Variants in SLCO1A2 observed in about 807,000 individuals in gnomAD.
The protein encoded by SLCO1A2 is OATP-1.
SLCO1A2 carries 67 observed loss-of-function variants against 69.0 expected under a neutral mutation model. The ratio of observed to expected loss-of-function variants is 0.97; its 90% CI spans 0.80 to 1.19. SLCO1A2 has a LOEUF of 1.19. SLCO1A2 is among the 50% of genes most tolerant of loss of function. The pLI is 0.00. For synonymous variants in SLCO1A2, 260 were observed against 265.9 expected (o/e 0.98, Z 0.22); for missense variants, 787 against 793.7 (o/e 0.99, Z 0.10).
intron 1 of SLCO1A2, among the ~76,000 whole-genome samples, chr12:21,388,686 T>A (rs1565527463): frequency 1.3e-5 from 2 of 152,120 alleles, no homozygotes; most frequent in East Asian, 3.9e-4. Context: ...TTAACTGTAA[T>A]CATTACTAAA....
chr12:21,381,548 G>A (rs1049485155), intron 1 of SLCO1A2, among the ~76,000 whole-genome samples: 9 of 152,046 alleles, frequency 5.9e-5, no homozygotes, highest in East Asian at 3.9e-4. Context: ...CTGTAATCCC[G>A]GCACTTTGGG....
At chr12:21,364,158 G>A (rs1939176749) in intron 2 of SLCO1A2, among the ~76,000 whole-genome samples, 1 of 152,136 alleles carries the variant, frequency 6.6e-6, no homozygotes, top group African/African-American at 2.4e-5. Flanking sequence ...ATAAAATACT[G>A]GCAAACCGAA....
At chr12:21,271,932 G>T (rs1942950983) in intron 14 of SLCO1A2, among the ~76,000 whole-genome samples, 1 of 150,338 alleles carries the variant, frequency 6.7e-6, no homozygotes, top group South Asian at 2.1e-4. Context: ...TTGATTACTG[G>T]TTGGCTTAGC....
chr12:21,381,524 G>A (rs778859913), intron 1 of SLCO1A2, among the ~76,000 whole-genome samples: 9 of 152,154 alleles, frequency 5.9e-5, no homozygotes, highest in East Asian at 1.9e-4. Flanking sequence ...CAGGCTGGGC[G>A]TGGTGGCTCA....
chr12:21,338,805 C>T (rs1001933477), upstream of SLCO1A2, among the ~76,000 whole-genome samples: 2 of 151,428 alleles, frequency 1.3e-5, no homozygotes, highest in Admixed American at 1.3e-4. Flanking sequence ...AGAGACAAGA[C>T]TTTATCTGTT....
At chr12:21,338,531 C>T (rs1190194772), upstream of SLCO1A2, among the ~76,000 whole-genome samples, 1 of 151,818 alleles carries the variant, frequency 6.6e-6, no homozygotes, top group Non-Finnish European at 1.5e-5. Context: ...CTCCATCTGT[C>T]CAAGCTATAT....
At chr12:21,409,051 A>G (rs1269095078) in intron 1 of SLCO1A2, among the ~76,000 whole-genome samples, 1 of 152,224 alleles carries the variant, frequency 6.6e-6, no homozygotes, top group Non-Finnish European at 1.5e-5. Context: ...TTAGTTCCCA[A>G]AGAAAACTGA....
At chr12:21,304,395 GA>G in intron 6 of SLCO1A2, 31 bp downstream of exon 6, 1 of 1,559,270 alleles carries the variant, frequency 6.4e-7, no homozygotes, top group Non-Finnish European at 8.8e-7. Flanking sequence ...ATATTGCCCT[GA>G]AAAGAAGCTA....
chr12:21,400,459 G>T (rs1448067546), intron 1 of SLCO1A2, among the ~76,000 whole-genome samples: 1 of 151,532 alleles, frequency 6.6e-6, no homozygotes, highest in South Asian at 2.1e-4. Context: ...CATTGTGGAA[G>T]TCAGTGTGGC....
At chr12:21,414,186 C>T (rs562280651) in intron 1 of SLCO1A2, among the ~76,000 whole-genome samples, 3 of 152,022 alleles carry the variant, frequency 2.0e-5, no homozygotes, top group East Asian at 1.9e-4. Flanking sequence ...GTCTGCTTTT[C>T]GTTATTGGGC....
At chr12:21,327,497 C>G (rs1027517541) in intron 2 of SLCO1A2, among the ~76,000 whole-genome samples, 1 of 152,068 alleles carries the variant, frequency 6.6e-6, no homozygotes, top group African/African-American at 2.4e-5. Context: ...TGAAAGCAGC[C>G]AGGAGAGGGG....
rs1054057132 is a variant in SLCO1A2 at position 21,292,349 on chromosome 12, A to G, written c.1438-13T>C. On this transcript the variant is annotated splice_polypyrimidine_tract_variant and intron_variant, in intron 11 of 14. Transcript: ENST00000683939. ...AATTTTGGAACACCTGCCAAAAAAT[A>G]ACATATTATACTAAGAAGTAAAAAT... 12 of 1,604,100 alleles carry G rather than the reference A, an allele frequency of 7.5e-6. No individual in the cohort carries two copies. The highest frequency in any genetic ancestry group is 2.7e-5 in the African/African-American group (2 of 74,488).
chr12:21,273,220 A>C (rs1445851324), intron 14 of SLCO1A2, among the ~76,000 whole-genome samples: 1 of 152,160 alleles, frequency 6.6e-6, no homozygotes, highest in Non-Finnish European at 1.5e-5. Context: ...GCTTCAAAAA[A>C]ATCTGCCCAA....
intron 2 of SLCO1A2, among the ~76,000 whole-genome samples, chr12:21,342,764 AT>A (rs1396679611): frequency 1.3e-5 from 2 of 152,142 alleles, no homozygotes; most frequent in African/African-American, 2.4e-5. Flanking sequence ...TTCATAAAAA[AT>A]AAAACCTTTT....
chr12:21,313,975 T>TAAAA (rs1351492492), intron 4 of SLCO1A2, among the ~76,000 whole-genome samples: 1 of 78,216 alleles, frequency 1.3e-5, no homozygotes, highest in Non-Finnish European at 3.0e-5. Context: ...AAAATAATAA[T>TAAAA]AAATAATAAA....
intron 2 of SLCO1A2, among the ~76,000 whole-genome samples, chr12:21,328,943 T>C (rs1789011875): frequency 6.6e-6 from 1 of 152,198 alleles, no homozygotes; most frequent in South Asian, 2.1e-4. Flanking sequence ...AACTACATTA[T>C]CTGGGGTGCT....
intron 2 of SLCO1A2, among the ~76,000 whole-genome samples, chr12:21,361,422 C>T (rs1938868437): frequency 6.6e-6 from 1 of 152,160 alleles, no homozygotes; most frequent in African/African-American, 2.4e-5. Flanking sequence ...GATAAAACCA[C>T]AAAGATGGGG....
intron 2 of SLCO1A2, among the ~76,000 whole-genome samples, chr12:21,356,482 A>G (rs1301641612): frequency 6.6e-6 from 1 of 151,982 alleles, no homozygotes; most frequent in Non-Finnish European, 1.5e-5. Flanking sequence ...GTGGGATACA[A>G]AAGAAAAAAA....
intron 2 of SLCO1A2, among the ~76,000 whole-genome samples, chr12:21,351,208 A>G (rs1286781911): frequency 6.6e-6 from 1 of 152,216 alleles, no homozygotes; most frequent in East Asian, 1.9e-4. Context: ...CAAATACGTG[A>G]CATGGCAAAA....
Sources: allele counts gnomAD v4.1 joint callset (sites outside exome capture counted in the v4.1 genomes callset), GRCh38; gene constraint gnomAD v4.1.1; transcripts MANE v1.5; gene names NCBI Gene and HGNC (gene_info 2026-07-23, HGNC 2026-07-21).